CFAP47: variants seen among roughly 807,000 people sequenced by gnomAD.
CFAP47 encodes the protein cilia and flagella associated protein 47.
Under a neutral mutation model 148.1 loss-of-function variants are expected in CFAP47, and 29 were observed. The observed-to-expected ratio is 0.20, with a 90% CI of 0.15 to 0.27. CFAP47 has a LOEUF of 0.27. Ranked by LOEUF, CFAP47 falls within the 10% of genes least tolerant of loss-of-function variation. The pLI is 1.00. For missense variants in CFAP47, 1,872 were observed against 1,697.5 expected (o/e 1.10, Z -1.81); for synonymous variants, 664 against 577.3 (o/e 1.15, Z -2.15).
intron 33 of CFAP47, 40 bp from the exon 34 acceptor site, chrX:36,137,918 A>G: frequency 1.9e-6 from 1 of 532,758 alleles, no homozygotes; most frequent in Non-Finnish European, 3.1e-6. Flanking sequence ...TAATAAAGTA[A>G]AACTATTGTT....
At chrX:36,362,376 C>T (rs189436638) in intron 61 of CFAP47, among the ~76,000 whole-genome samples, 422 of 111,940 alleles carry the variant, frequency 3.8e-3, no homozygotes, top group Middle Eastern at 9.3e-3. Context: ...TCCACAGGTG[C>T]TCAATGTTTA....
chrX:36,304,057 A>C (rs1201896791), intron 54 of CFAP47, 97 bp downstream of exon 54: 1 of 425,275 alleles, frequency 2.4e-6, no homozygotes, highest in African/African-American at 2.6e-5. Flanking sequence ...TTGAATTATT[A>C]CTAAGGATTT....
chrX:36,293,283 C>T lies in CFAP47; in HGVS notation c.7687-5694C>T, dbSNP rs782270446. On this transcript the variant is annotated intron_variant, in intron 51 of 63. Coordinates refer to ENST00000378653, the MANE Select transcript of CFAP47 (RefSeq NM_001304548.2). ...CCATATTATGAAAGTGGTTGCTGTC[C>T]TGTTTATTTAAGACTCTCTAAATAT... Among the ~76,000 whole-genome samples the T allele has an allele frequency of 3.6e-5, 4 of 112,546 alleles. No individual in the cohort carries two copies. The Admixed American group carries it at 3.8e-4, about 11-fold the overall frequency.
intron 33 of CFAP47, among the ~76,000 whole-genome samples, chrX:36,121,339 G>A (rs1393768062): frequency 9.0e-6 from 1 of 110,517 alleles, no homozygotes; most frequent in Non-Finnish European, 1.9e-5. Flanking sequence ...GTATTGATTG[G>A]AGAGTTTAAT....
intron 22 of CFAP47, among the ~76,000 whole-genome samples, chrX:36,026,557 A>G (rs1937218941): frequency 1.8e-5 from 2 of 111,308 alleles, no homozygotes; most frequent in South Asian, 3.8e-4. Context: ...CTTGTTCCCA[A>G]AGAATGCCAT....
Position 36,048,017 on chromosome X carries a change from T to C in CFAP47, c.4217+954T>C, listed in dbSNP as rs181915715. The stretch of plus-strand genomic sequence containing the variant: ...TCCCCAGAGCCTTAATACTGGCAAA[T>C]CCTTTTACTGGTGACTGGTTAACTC... On this transcript the variant is annotated intron_variant, in intron 26 of 63. Transcript: ENST00000378653. Among the ~76,000 whole-genome samples, 74 of 111,467 alleles carry C rather than the reference T, an allele frequency of 6.6e-4. 1 individual carries two copies. Among genetic ancestry groups the C allele is most frequent in the Non-Finnish European group, 4.7e-4 (25 of 52,971 alleles).
intron 29 of CFAP47, among the ~76,000 whole-genome samples, chrX:36,077,739 C>T (rs950376720): frequency 9.0e-6 from 1 of 111,431 alleles, no homozygotes; most frequent in Non-Finnish European, 1.9e-5. Flanking sequence ...TAGAAAGATT[C>T]CAAATTGCTG....
chrX:36,359,217 TAG>T (rs782519917), intron 60 of CFAP47, among the ~76,000 whole-genome samples: 2 of 112,104 alleles, frequency 1.8e-5, no homozygotes, highest in Non-Finnish European at 3.8e-5. Flanking sequence ...AATTTAGCCA[TAG>T]CTATAAAGTT....
chrX:35,942,286 C>T (rs917437958), intron 3 of CFAP47, among the ~76,000 whole-genome samples: 1 of 111,314 alleles, frequency 9.0e-6, no homozygotes, highest in Non-Finnish European at 1.9e-5. Flanking sequence ...AGAGTGTTCT[C>T]TGGGGCCACC....
Position 36,104,764 on chromosome X carries a change from A to G in CFAP47, c.5320+73A>G, listed in dbSNP as rs1260434502. ...TGATGATGGAGAAGGAGCCATGGAT[A>G]CACAATCAACTCAGAATCCATGGAT... On this transcript the variant is annotated intron_variant, in intron 33 of 63. Transcript: ENST00000378653. 10 of 397,302 alleles carry G rather than the reference A, an allele frequency of 2.5e-5. No individual in the cohort carries two copies. In the East Asian group the frequency reaches 4.1e-4, roughly 16 times the overall value. The allele number at this position is 397,302 out of a possible 1,213,427, so 32.7% of individuals were successfully genotyped here. A position where few individuals can be genotyped will look rare whatever the true frequency, so the allele number is the denominator to read the frequency against.
chrX:36,231,700 A>G (rs1194132160), intron 46 of CFAP47, among the ~76,000 whole-genome samples: 3 of 111,213 alleles, frequency 2.7e-5, no homozygotes, highest in Admixed American at 9.6e-5. Context: ...CAGTTTTCAA[A>G]GGGAATGCTT....
At chrX:36,043,854 T>G (rs1279206371) in intron 25 of CFAP47, among the ~76,000 whole-genome samples, 4 of 112,810 alleles carry the variant, frequency 3.5e-5, no homozygotes, top group Non-Finnish European at 5.6e-5. Flanking sequence ...TACATTTCCC[T>G]TCTGCACTGC....
At chrX:36,235,721 A>C (rs1323744194) in intron 46 of CFAP47, among the ~76,000 whole-genome samples, 1 of 112,572 alleles carries the variant, frequency 8.9e-6, no homozygotes, top group African/African-American at 3.2e-5. Flanking sequence ...CGCTCACGCT[A>C]GGAGCTGTAG....
At chrX:36,272,028 T>C (rs1168637151) in intron 49 of CFAP47, among the ~76,000 whole-genome samples, 2 of 112,006 alleles carry the variant, frequency 1.8e-5, no homozygotes, top group Non-Finnish European at 3.8e-5. Context: ...GCCAACACTA[T>C]AGACATCTTA....
intron 15 of CFAP47, among the ~76,000 whole-genome samples, chrX:35,986,985 C>T (rs1008681215): frequency 3.6e-5 from 4 of 111,391 alleles, no homozygotes; most frequent in Non-Finnish European, 7.5e-5. Context: ...GCAGCTTTGT[C>T]CCAGAGGGGC....
chrX:35,949,326 T>A (rs1246562018), intron 4 of CFAP47, among the ~76,000 whole-genome samples: 1 of 111,395 alleles, frequency 9.0e-6, no homozygotes, highest in Non-Finnish European at 1.9e-5. Flanking sequence ...ATGATTAGTT[T>A]GTATTTTAGA....
intron 39 of CFAP47, among the ~76,000 whole-genome samples, chrX:36,167,060 T>G (rs1014582113): frequency 3.6e-5 from 4 of 111,481 alleles, no homozygotes; most frequent in Non-Finnish European, 7.5e-5. Context: ...TGTTTAAGAT[T>G]TTTTCTGACT....
Position 35,980,299 on chromosome X carries a change from A to G in CFAP47, c.2713+4386A>G, listed in dbSNP as rs374684696. ...GAAGAAAAAATATATAACTGTGCTC[A>G]TTGGAGGGAGAAAATTCTTCTCAAG... On this transcript the variant is annotated intron_variant, in intron 15 of 63. Coordinates refer to ENST00000378653, the MANE Select transcript of CFAP47 (RefSeq NM_001304548.2). 2.1e-3 allele frequency among the ~76,000 whole-genome samples: 237 copies of G among 112,177 alleles called. 1 individual carries two copies. The highest frequency in any genetic ancestry group is 0.013 in the South Asian group (35 of 2,706).
intron 57 of CFAP47, among the ~76,000 whole-genome samples, chrX:36,327,732 C>G (rs1941529339): frequency 9.0e-6 from 1 of 111,342 alleles, no homozygotes; most frequent in Non-Finnish European, 1.9e-5. Flanking sequence ...GCCCATCAAC[C>G]GTGGACTGAA....
Sources: gnomAD v4.1 joint callset for allele counts (sites outside exome capture counted in the v4.1 genomes callset) on GRCh38, gnomAD v4.1.1 for gene constraint, MANE v1.5 for transcripts, NCBI Gene and HGNC (gene_info 2026-07-23, HGNC 2026-07-21) for gene names.